PCDHB16: variants seen among roughly 807,000 people sequenced by gnomAD.
The protein encoded by PCDHB16 is protocadherin beta-16.
For missense variants in PCDHB16, 1,026 were observed against 989.9 expected, an observed-to-expected ratio of 1.04 and a Z score of -0.49; for synonymous variants, 444 against 436.5, an observed-to-expected ratio of 1.02 and a Z score of -0.21.
Position 141,182,472 on chromosome 5 carries a change from G to A in PCDHB16, c.-88G>A. The A allele has an allele frequency of 8.4e-7, 1 of 1,190,210 alleles. No individual in the cohort carries two copies. The highest frequency in any genetic ancestry group is 1.5e-5 in the African/African-American group (1 of 65,644). 73.7% of individuals were successfully genotyped at this position (1,190,210 alleles called of 1,614,324 possible). Reference sequence around the variant, plus strand: ...TCTTTAAGACACCGTTGGGCTGCTTGGTTCTGACATTCTGGACTGCAAAAC... The same window carrying A: ...TCTTTAAGACACCGTTGGGCTGCTTAGTTCTGACATTCTGGACTGCAAAAC... On this transcript the variant is annotated 5_prime_UTR_variant, in exon 1 of 1. Coordinates refer to ENST00000609684, the MANE Select transcript of PCDHB16 (RefSeq NM_020957.4).
In PCDHB16 at chr5:141,185,063, T is replaced by C; in HGVS notation, c.*173T>C. 1 of 1,433,384 alleles carries C rather than the reference T, an allele frequency of 7.0e-7. No homozygotes were observed. Among genetic ancestry groups the C allele is most frequent in the Non-Finnish European group, 9.2e-7 (1 of 1,092,084 alleles). 88.8% of individuals were successfully genotyped at this position (1,433,384 alleles called of 1,614,324 possible). ...TTTTTCTCTGATTGTTAGTTCAAATTATATTGTTAATTCCAGTTTCCCTTT... is the reference window on the plus strand; with the variant it reads ...TTTTTCTCTGATTGTTAGTTCAAATCATATTGTTAATTCCAGTTTCCCTTT... On this transcript the variant is annotated 3_prime_UTR_variant, in exon 1 of 1. Transcript: ENST00000609684.
chr5:141,185,733 G>C lies in PCDHB16; in HGVS notation c.*843G>C, dbSNP rs1307718204. 1.0e-6 allele frequency: 1 copy of C among 997,580 alleles called. No homozygotes were observed. Among genetic ancestry groups the C allele is most frequent in the Non-Finnish European group, 1.2e-6 (1 of 827,934 alleles). 61.8% of individuals were successfully genotyped at this position (997,580 alleles called of 1,614,324 possible). A position where few individuals can be genotyped will look rare whatever the true frequency, so the allele number is the denominator to read the frequency against. ...TTTATTTATTTATTTTTTTGAGATG[G>C]AGTCTCGTAAAGTTACCTTTAAAAA... On this transcript the variant is annotated 3_prime_UTR_variant, in exon 1 of 1. Coordinates refer to ENST00000609684, the MANE Select transcript of PCDHB16 (RefSeq NM_020957.4).
Position 141,184,977 on chromosome 5 carries a change from T to C in PCDHB16, c.*87T>C, listed in dbSNP as rs1753686979. The stretch of plus-strand genomic sequence containing the variant: ...GATAGGAACCCATTTGATAAATTCC[T>C]TAACTTCTTATGATTGTCTTGTTGA... On this transcript the variant is annotated 3_prime_UTR_variant, in exon 1 of 1. Coordinates refer to ENST00000609684, the MANE Select transcript of PCDHB16 (RefSeq NM_020957.4). 6.6e-7 allele frequency: 1 copy of C among 1,522,496 alleles called. No homozygotes were observed. The highest frequency in any genetic ancestry group is 1.4e-5 in the African/African-American group (1 of 71,926). The allele number at this position is 1,522,496 out of a possible 1,614,324, so 94.3% of individuals were successfully genotyped here.
Position 141,183,645 on chromosome 5 carries a change from G to A in PCDHB16, c.1086G>A (p.Glu362=). Residue 362 remains glutamate (E), a synonymous_variant, in exon 1 of 1, where the codon GAG becomes GAA. Transcript: ENST00000609684. The part of the protein sequence containing the change: ...LTSPIPENSP[E]IVVAVFSVSD... ...GCCCCATCCCAGAGAACTCGCCTGA[G>A]ATAGTAGTTGCTGTTTTCAGCGTTT... 6.2e-7 allele frequency: 1 copy of A among 1,614,166 alleles called. No individual in the cohort carries two copies. The highest frequency in any genetic ancestry group is 8.5e-7 in the Non-Finnish European group (1 of 1,180,032).
In PCDHB16 at chr5:141,186,102, T is replaced by C; in HGVS notation, c.*1212T>C. 1.0e-6 allele frequency: 1 copy of C among 999,516 alleles called. No homozygotes were observed. Among genetic ancestry groups the C allele is most frequent in the South Asian group, 4.7e-5 (1 of 21,262 alleles). The allele number at this position is 999,516 out of a possible 1,614,324, so 61.9% of individuals were successfully genotyped here. A position where few individuals can be genotyped will look rare whatever the true frequency, so the allele number is the denominator to read the frequency against. ...TATTCATCATAGTATACATTGGCGG[T>C]ATCTAGCCCTTTCTCTGTAAAATAT... is the stretch of plus-strand genomic sequence containing the variant. On this transcript the variant is annotated 3_prime_UTR_variant, in exon 1 of 1. Transcript: ENST00000609684.
At position 141,183,022 on chromosome 5, in the gene PCDHB16, A is replaced by G; in HGVS notation, c.463A>G (p.Asn155Asp). Residue 155 changes from asparagine to aspartate, a missense_variant, in exon 1 of 1, where the codon AAT (asparagine) becomes GAT (aspartate). Asn to Asp is a conservative substitution (Grantham distance 23). Coordinates refer to ENST00000609684, the MANE Select transcript of PCDHB16 (RefSeq NM_020957.4). The stretch of plus-strand genomic sequence containing the variant: ...TCCTCTAGGAACTGAGTTCCCTCTG[A>G]ATCATGCTTTGGACTTGGACGTAGG... ...NSPLGTEFPLNHALDLDVGSN... is the reference protein window; with the variant it reads ...NSPLGTEFPLDHALDLDVGSN... 7 of 1,614,238 alleles carry G rather than the reference A, an allele frequency of 4.3e-6. No individual in the cohort carries two copies. The highest frequency in any genetic ancestry group is 5.1e-6 in the Non-Finnish European group (6 of 1,180,038).
In PCDHB16 at chr5:141,182,568, T is replaced by G; in HGVS notation, c.9T>G (p.Ile3Met). 1.3e-6 allele frequency: 2 copies of G among 1,517,704 alleles called. No individual in the cohort carries two copies. The highest frequency in any genetic ancestry group is 1.8e-6 in the Non-Finnish European group (2 of 1,134,582). 94.0% of individuals were successfully genotyped at this position (1,517,704 alleles called of 1,614,324 possible). The part of the protein sequence containing the change: ME[I>M]GWMHNRRQRQ... The stretch of plus-strand genomic sequence containing the variant: ...CTTTTCAAGAAAAAGCAATGGAGAT[T>G]GGATGGATGCACAATCGGAGACAAA... Residue 3 changes from isoleucine (I) to methionine (M), a missense_variant, in exon 1 of 1, where the codon ATT becomes ATG. By Grantham distance (10) the Ile-to-Met change is conservative. Transcript: ENST00000609684.
In PCDHB16 at chr5:141,184,305, G is replaced by A. The variant is rs1554282346; in HGVS notation, c.1746G>A (p.Pro582=). The A allele has an allele frequency of 1.3e-6, 2 of 1,599,746 alleles. 1 individual carries two copies. Among genetic ancestry groups the A allele is most frequent in the African/African-American group, 2.7e-5 (2 of 73,946 alleles). Residue 582 remains proline (P), a synonymous_variant, in exon 1 of 1, where the codon CCG becomes CCA. Coordinates refer to ENST00000609684, the MANE Select transcript of PCDHB16 (RefSeq NM_020957.4). ...AGCTGGTGCCCCGGGCGGCCGAGCC[G>A]GGCTACCTGGTGACCAAGGTGGTGG... The part of the protein sequence containing the change: ...CTELVPRAAE[P]GYLVTKVVAV...
chr5:141,182,639 G>T lies in PCDHB16; in HGVS notation c.80G>T (p.Gly27Val), dbSNP rs782264829. Residue 27 changes from glycine to valine, a missense_variant, in exon 1 of 1, where the codon GGC becomes GTC. By Grantham distance (109) the Gly-to-Val change is moderately radical (BLOSUM62 -3). Transcript: ENST00000609684. ...FFVLLSLSGA[G>V]AELGSYSVVE... is the part of the protein sequence containing the mutation. The stretch of plus-strand genomic sequence containing the variant: ...GTTTTGCTGAGCTTGTCTGGGGCGG[G>T]CGCCGAGTTGGGGTCCTATTCCGTA... 1 of 1,578,740 alleles carries T rather than the reference G, an allele frequency of 6.3e-7. No individual in the cohort carries two copies. The highest frequency in any genetic ancestry group is 8.6e-7 in the Non-Finnish European group (1 of 1,164,262).
Position 141,184,834 on chromosome 5 carries a change from T to C in PCDHB16, c.2275T>C (p.Ser759Pro). The change falls in exon 1 of 1, where the codon TCA becomes CCA. Residue 759 changes from serine to proline, a missense_variant. By Grantham distance (74) the Ser-to-Pro change is moderately conservative (BLOSUM62 -1). Transcript: ENST00000609684. ...YQYEVCLTGG[S>P]ETSEFKFLKP... is the part of the protein sequence containing the mutation. Reference sequence around the variant, plus strand: ...ATACGAGGTGTGTCTGACAGGAGGCTCAGAAACAAGTGAGTTCAAGTTCCT... The same window carrying C: ...ATACGAGGTGTGTCTGACAGGAGGCCCAGAAACAAGTGAGTTCAAGTTCCT... 1 of 1,614,166 alleles carries C rather than the reference T, an allele frequency of 6.2e-7. No homozygotes were observed. Among genetic ancestry groups the C allele is most frequent in the South Asian group, 1.1e-5 (1 of 91,082 alleles).
In PCDHB16 at chr5:141,185,687, G is replaced by A. The variant is rs1753712861; in HGVS notation, c.*797G>A. The stretch of plus-strand genomic sequence containing the variant: ...CAAAATTCTGGGATTACAGGCATAA[G>A]CCAATGTGCCCATCCAAAGTTTTAT... On this transcript the variant is annotated 3_prime_UTR_variant, in exon 1 of 1. Coordinates refer to ENST00000609684, the MANE Select transcript of PCDHB16 (RefSeq NM_020957.4). The A allele has an allele frequency of 1.0e-6, 1 of 990,284 alleles. No homozygotes were observed. Among genetic ancestry groups the A allele is most frequent in the Non-Finnish European group, 1.2e-6 (1 of 821,900 alleles). The allele number at this position is 990,284 out of a possible 1,614,324, so 61.3% of individuals were successfully genotyped here.
Position 141,183,837 on chromosome 5 carries a change from G to C in PCDHB16, c.1278G>C (p.Met426Ile). Residue 426 changes from methionine to isoleucine, a missense_variant, in exon 1 of 1, where the codon ATG (methionine) becomes ATC (isoleucine). Coordinates refer to ENST00000609684, the MANE Select transcript of PCDHB16 (RefSeq NM_020957.4). The stretch of plus-strand genomic sequence containing the variant: ...ATATCACCCTCACCGTCACAGATAT[G>C]GGGACTCCAAGGCTGAAAACGGAGC... The part of the protein sequence containing the change: ...EYNITLTVTD[M>I]GTPRLKTEHN... 1 of 1,613,968 alleles carries C rather than the reference G, an allele frequency of 6.2e-7. No individual in the cohort carries two copies. Among genetic ancestry groups the C allele is most frequent in the Non-Finnish European group, 8.5e-7 (1 of 1,179,830 alleles).
rs1405823804 is a variant in PCDHB16, at chr5:141,182,851, C to T, written c.292C>T (p.Pro98Ser). ...GCTAGATCGAGAGGAGCTATGCGGT[C>T]CCACTGAGCCTTGCATACTACATTT... is the stretch of plus-strand genomic sequence containing the variant. Reference protein sequence around the residue: ...EKLDREELCGPTEPCILHFQV... With the variant: ...EKLDREELCGSTEPCILHFQV... The change falls in exon 1 of 1, where the codon CCC (proline) becomes TCC (serine). Residue 98 changes from proline to serine, a missense_variant. Pro to Ser is a moderately conservative substitution (Grantham distance 74). Coordinates refer to ENST00000609684, the MANE Select transcript of PCDHB16 (RefSeq NM_020957.4). The T allele has an allele frequency of 1.2e-6, 2 of 1,614,020 alleles. No individual in the cohort carries two copies. Among genetic ancestry groups the T allele is most frequent in the African/African-American group, 1.3e-5 (1 of 74,906 alleles).
At position 141,183,802 on chromosome 5, in the gene PCDHB16, G is replaced by C. The variant is rs147720307; in HGVS notation, c.1243G>C (p.Ala415Pro). 2,609 of 1,614,206 alleles carry C rather than the reference G, an allele frequency of 1.6e-3. 16 individuals carry two copies. The highest frequency in any genetic ancestry group is 1.9e-3 in the Non-Finnish European group (2,222 of 1,180,046). The change falls in exon 1 of 1, where the codon GCT (alanine) becomes CCT (proline). Residue 415 changes from alanine (A) to proline (P), a missense_variant. Coordinates refer to ENST00000609684, the MANE Select transcript of PCDHB16 (RefSeq NM_020957.4). ...GAGAGCACTCGACAGAGAAGCAAGAGCTGAATATAATATCACCCTCACCGT... is the reference window on the plus strand; with the variant it reads ...GAGAGCACTCGACAGAGAAGCAAGACCTGAATATAATATCACCCTCACCGT... ...TERALDREAR[A>P]EYNITLTVTD... is the part of the protein sequence containing the mutation.
chr5:141,183,018 T>G lies in PCDHB16; in HGVS notation c.459T>G (p.Pro153=). 1 of 1,614,220 alleles carries G rather than the reference T, an allele frequency of 6.2e-7. No homozygotes were observed. Among genetic ancestry groups the G allele is most frequent in the Non-Finnish European group, 8.5e-7 (1 of 1,180,030 alleles). ...PENSPLGTEF[P]LNHALDLDVG... ...ACAGTCCTCTAGGAACTGAGTTCCCTCTGAATCATGCTTTGGACTTGGACG... is the reference window on the plus strand; with the variant it reads ...ACAGTCCTCTAGGAACTGAGTTCCCGCTGAATCATGCTTTGGACTTGGACG... Residue 153 remains proline (P), a synonymous_variant, in exon 1 of 1, where the codon CCT becomes CCG. Coordinates refer to ENST00000609684, the MANE Select transcript of PCDHB16 (RefSeq NM_020957.4).
At position 141,182,641 on chromosome 5, in the gene PCDHB16, G is replaced by A. The variant is rs782349628; in HGVS notation, c.82G>A (p.Ala28Thr). Residue 28 changes from alanine to threonine, a missense_variant, in exon 1 of 1, where the codon GCC becomes ACC. Coordinates refer to ENST00000609684, the MANE Select transcript of PCDHB16 (RefSeq NM_020957.4). ...FVLLSLSGAGAELGSYSVVEE... is the reference protein window; with the variant it reads ...FVLLSLSGAGTELGSYSVVEE... The stretch of plus-strand genomic sequence containing the variant: ...TTTGCTGAGCTTGTCTGGGGCGGGC[G>A]CCGAGTTGGGGTCCTATTCCGTAGT... The A allele has an allele frequency of 4.4e-6, 7 of 1,577,924 alleles. No individual in the cohort carries two copies. The South Asian group carries it at 4.6e-5, about 10-fold the overall frequency.
Position 141,185,615 on chromosome 5 carries a change from C to A in PCDHB16, c.*725C>A. ...ATGGGATTTTGCCAAGTTGCCCAGG[C>A]TGATCTTGAACTCCTGGGCTCAAGC... On this transcript the variant is annotated 3_prime_UTR_variant, in exon 1 of 1. Coordinates refer to ENST00000609684, the MANE Select transcript of PCDHB16 (RefSeq NM_020957.4). 1.7e-6 allele frequency: 1 copy of A among 577,836 alleles called. No individual in the cohort carries two copies. The highest frequency in any genetic ancestry group is 2.2e-6 in the Non-Finnish European group (1 of 452,526). The allele number at this position is 577,836 out of a possible 1,614,324, so 35.8% of individuals were successfully genotyped here. A position where few individuals can be genotyped will look rare whatever the true frequency, so the allele number is the denominator to read the frequency against.
At position 141,182,812 on chromosome 5, in the gene PCDHB16, C is replaced by G; in HGVS notation, c.253C>G (p.Leu85Val). 1 of 1,614,138 alleles carries G rather than the reference C, an allele frequency of 6.2e-7. No individual in the cohort carries two copies. The highest frequency in any genetic ancestry group is 1.1e-5 in the South Asian group (1 of 91,074). ...GCTCAAGGCTCAAACTGGGGATTTG[C>G]TCATAAATGAGAAGCTAGATCGAGA... is the stretch of plus-strand genomic sequence containing the variant. ...LQLKAQTGDLLINEKLDREEL... is the reference protein window; with the variant it reads ...LQLKAQTGDLVINEKLDREEL... The change falls in exon 1 of 1, where the codon CTC becomes GTC. Residue 85 changes from leucine (L) to valine (V), a missense_variant. Coordinates refer to ENST00000609684, the MANE Select transcript of PCDHB16 (RefSeq NM_020957.4).
chr5:141,185,450 A>C lies in PCDHB16; in HGVS notation c.*560A>C. ...TTTGAGACAGGGTCTTACTCTTGTCACCCAGGCTGGAGTGCAGTGGTACAA... is the reference window on the plus strand; with the variant it reads ...TTTGAGACAGGGTCTTACTCTTGTCCCCCAGGCTGGAGTGCAGTGGTACAA... On this transcript the variant is annotated 3_prime_UTR_variant, in exon 1 of 1. Transcript: ENST00000609684. The C allele has an allele frequency of 1.6e-6, 1 of 635,682 alleles. No individual in the cohort carries two copies. The highest frequency in any genetic ancestry group is 1.9e-6 in the Non-Finnish European group (1 of 514,166). 39.4% of individuals were successfully genotyped at this position (635,682 alleles called of 1,614,324 possible).
Sources: gnomAD v4.1 joint callset for allele counts on GRCh38, gnomAD v4.1.1 for gene constraint, MANE v1.5 for transcripts, NCBI Gene and HGNC (gene_info 2026-07-23, HGNC 2026-07-21) for gene names.